WDR41: variants seen among roughly 807,000 people sequenced by gnomAD.
WDR41 encodes WD repeat domain 41, also known as WD repeat-containing protein 41.
WDR41 carries 63 observed loss-of-function variants against 69.3 expected under a neutral mutation model. The observed-to-expected ratio is 0.91, with a 90% CI of 0.74 to 1.12. The LOEUF (loss-of-function observed/expected upper bound fraction) is 1.12, where lower values mean the gene tolerates loss of function less well. Ranked by LOEUF, WDR41 falls within the 50% of genes most tolerant of loss-of-function variation. WDR41 has a pLI of 0.00. For synonymous variants in WDR41, 185 were observed against 192.1 expected (o/e 0.96, Z 0.31); for missense variants, 543 against 534.5 (o/e 1.02, Z -0.16).
chr5:77,446,290 A>G (rs1171898959), intron 8 of WDR41, among the ~76,000 whole-genome samples: 1 of 152,240 alleles, frequency 6.6e-6, no homozygotes. Flanking sequence ...ATATAAATGG[A>G]AAAACATTTC....
chr5:77,531,170 T>C (rs1802524264), intron 1 of WDR41, among the ~76,000 whole-genome samples: 1 of 151,854 alleles, frequency 6.6e-6, no homozygotes, highest in Non-Finnish European at 1.5e-5. Context: ...TTCATCAAAA[T>C]TTAAAACTTT....
chr5:77,448,168 C>T (rs1168260023), intron 8 of WDR41, among the ~76,000 whole-genome samples: 1 of 152,084 alleles, frequency 6.6e-6, no homozygotes, highest in African/African-American at 2.4e-5. Context: ...AATAACTAAG[C>T]ATGACCGGTG....
At chr5:77,461,284 A>G (rs1800042154) in intron 4 of WDR41, among the ~76,000 whole-genome samples, 1 of 152,170 alleles carries the variant, frequency 6.6e-6, no homozygotes, top group African/African-American at 2.4e-5. Flanking sequence ...ATCACACACA[A>G]ACATACATAT....
At chr5:77,620,146 C>T (rs1228604806) in intron 1 of WDR41, among the ~76,000 whole-genome samples, 1 of 152,138 alleles carries the variant, frequency 6.6e-6, no homozygotes, top group Non-Finnish European at 1.5e-5. Flanking sequence ...CATTCCCAAA[C>T]AATTAAAGTA....
intron 2 of WDR41, among the ~76,000 whole-genome samples, chr5:77,484,664 TAC>T (rs748549638): frequency 2.6e-4 from 39 of 152,224 alleles, no homozygotes; most frequent in Non-Finnish European, 4.7e-4. Flanking sequence ...ATGGCATACT[TAC>T]AGTTTCTTAA....
In WDR41 at chr5:77,434,084, CT is replaced by C. The variant is rs1397566502; in HGVS notation, c.1228-798del. ...GTGGCTCACACCTGTAATCTCAGCA[CT>C]TCGGGAGGCTGAGGTGGGTGGACTG... On this transcript the variant is annotated intron_variant, in intron 12 of 12. Transcript: ENST00000296679. 2.6e-5 allele frequency among the ~76,000 whole-genome samples: 4 copies of C among 152,020 alleles called. No homozygotes were observed. The East Asian group carries it at 7.8e-4, about 30-fold the overall frequency.
chr5:77,510,477 T>A (rs6864575), intron 1 of WDR41, among the ~76,000 whole-genome samples: 95,735 of 151,996 alleles, frequency 0.63, 31,790 homozygotes, highest in African/African-American at 0.84. Flanking sequence ...ATGAGTGCAT[T>A]CATAAATAAA....
At chr5:77,545,539 A>T in intron 1 of WDR41, 1 of 252,042 alleles carries the variant, frequency 4.0e-6, no homozygotes, top group Non-Finnish European at 7.7e-6. Context: ...AGGCAAGTTG[A>T]GGACAAGGAG....
chr5:77,492,340 A>T (rs1801845439), upstream of WDR41: 1 of 1,360,032 alleles, frequency 7.4e-7, no homozygotes, highest in Admixed American at 2.0e-5. Flanking sequence ...TTCCCGCCCC[A>T]GATCAGCCCA....
intron 2 of WDR41, among the ~76,000 whole-genome samples, chr5:77,476,278 A>G (rs1255127774): frequency 6.6e-6 from 1 of 151,982 alleles, no homozygotes. Context: ...AACTTCCCCA[A>G]TCTAGCAAGG....
At chr5:77,536,721 G>A (rs1219147571) in intron 1 of WDR41, among the ~76,000 whole-genome samples, 1 of 152,130 alleles carries the variant, frequency 6.6e-6, no homozygotes, top group Admixed American at 6.5e-5. Context: ...GTCACTTGCT[G>A]TACAGGTGTG....
At chr5:77,619,464 G>A (rs976834431) in intron 1 of WDR41, among the ~76,000 whole-genome samples, 4 of 152,012 alleles carry the variant, frequency 2.6e-5, no homozygotes, top group African/African-American at 9.7e-5. Flanking sequence ...CACCCCTAGA[G>A]ACCCCCCAAT....
At chr5:77,478,611 G>C (rs895061367) in intron 2 of WDR41, among the ~76,000 whole-genome samples, 1 of 152,170 alleles carries the variant, frequency 6.6e-6, no homozygotes, top group Non-Finnish European at 1.5e-5. Context: ...AAAGGCCTTT[G>C]ACAAAATTCA....
At chr5:77,553,552 T>C (rs1010855832) in intron 1 of WDR41, among the ~76,000 whole-genome samples, 1 of 152,028 alleles carries the variant, frequency 6.6e-6, no homozygotes, top group Non-Finnish European at 1.5e-5. Context: ...ACCAAATATC[T>C]AGCAAAGAAC....
intron 1 of WDR41, among the ~76,000 whole-genome samples, chr5:77,539,634 G>A (rs1743053243): frequency 6.6e-6 from 1 of 151,954 alleles, no homozygotes; most frequent in South Asian, 2.1e-4. Context: ...GCATGTGGCT[G>A]AGGACAAGTT....
intron 1 of WDR41, chr5:77,545,684 A>C: frequency 2.2e-6 from 1 of 452,228 alleles, no homozygotes; most frequent in Non-Finnish European, 3.9e-6. Flanking sequence ...CTCAAGGATG[A>C]GGTTTTAAAG....
intron 1 of WDR41, among the ~76,000 whole-genome samples, chr5:77,553,413 C>T (rs996860923): frequency 6.6e-6 from 1 of 152,148 alleles, no homozygotes; most frequent in Non-Finnish European, 1.5e-5. Context: ...GGCACCAATT[C>T]ATTCATGAGA....
At chr5:77,567,376 C>T (rs191234222) in intron 1 of WDR41, among the ~76,000 whole-genome samples, 2 of 152,070 alleles carry the variant, frequency 1.3e-5, no homozygotes, top group East Asian at 3.9e-4. Flanking sequence ...ATTAAGCCAC[C>T]AGAGAAAAAG....
intron 2 of WDR41, among the ~76,000 whole-genome samples, chr5:77,475,629 A>C (rs1800880437): frequency 6.6e-6 from 1 of 152,144 alleles, no homozygotes; most frequent in Non-Finnish European, 1.5e-5. Flanking sequence ...TAGAAGGAAA[A>C]CTAACAAACA....
Sources: gnomAD v4.1 joint callset for allele counts (sites outside exome capture counted in the v4.1 genomes callset) on GRCh38, gnomAD v4.1.1 for gene constraint, MANE v1.5 for transcripts, NCBI Gene and HGNC (gene_info 2026-07-23, HGNC 2026-07-21) for gene names.